MLIP: variants seen among roughly 807,000 people sequenced by gnomAD.
MLIP encodes muscular LMNA-interacting protein.
In MLIP, 79 loss-of-function variants were observed where a neutral mutation model predicts 84.8. The ratio of observed to expected loss-of-function variants is 0.93; its 90% CI spans 0.78 to 1.12. MLIP has a LOEUF of 1.12. Among genes scored for constraint, MLIP ranks in the 50% most tolerant of loss-of-function variants. The probability of loss-of-function intolerance (pLI) is 0.00; values close to 1 mark genes in which losing one functional copy is unlikely to be tolerated. For synonymous variants in MLIP, 504 were observed against 463.0 expected (o/e 1.09, Z -1.14); for missense variants, 1,257 against 1,160.6 (o/e 1.08, Z -1.21).
At chr6:54,128,325 C>T (rs978262601) in intron 3 of MLIP, among the ~76,000 whole-genome samples, 13 of 151,956 alleles carry the variant, frequency 8.6e-5, no homozygotes, top group Admixed American at 7.2e-4. Flanking sequence ...TGGGAATTTA[C>T]TCAGGGAGAG....
chr6:54,239,981 A>G (rs1263836192), intron 12 of MLIP, among the ~76,000 whole-genome samples: 1 of 152,180 alleles, frequency 6.6e-6, no homozygotes, highest in Non-Finnish European at 1.5e-5. Flanking sequence ...ACTTATAGTG[A>G]AATGCAAGTT....
At chr6:54,058,173 A>G (rs1765769734) in intron 1 of MLIP, among the ~76,000 whole-genome samples, 1 of 152,178 alleles carries the variant, frequency 6.6e-6, no homozygotes. Context: ...AGGATAACTA[A>G]TTGGGCAAAT....
intron 1 of MLIP, among the ~76,000 whole-genome samples, chr6:54,077,578 C>G (rs752205783): frequency 3.9e-5 from 6 of 152,136 alleles, no homozygotes; most frequent in Non-Finnish European, 8.8e-5. Flanking sequence ...ACCAAACTCA[C>G]TGTTTTCTTT....
intron 13 of MLIP, among the ~76,000 whole-genome samples, chr6:54,259,074 G>C (rs1008329626): frequency 1.3e-5 from 2 of 151,594 alleles, no homozygotes; most frequent in African/African-American, 4.8e-5. Flanking sequence ...ATATTAATTT[G>C]CATGTTAAAA....
At chr6:54,131,184 T>A (rs780433627) in intron 3 of MLIP, among the ~76,000 whole-genome samples, 5 of 152,146 alleles carry the variant, frequency 3.3e-5, no homozygotes, top group Non-Finnish European at 7.4e-5. Flanking sequence ...TTTCTGTAGA[T>A]CAGATGTCTG....
chr6:54,115,545 A>G (rs2150415991), intron 1 of MLIP, among the ~76,000 whole-genome samples: 1 of 152,302 alleles, frequency 6.6e-6, no homozygotes, highest in East Asian at 1.9e-4. Flanking sequence ...GTGAGGGGCA[A>G]GGAAGAATAG....
At chr6:54,096,507 G>A (rs937477113) in intron 1 of MLIP, among the ~76,000 whole-genome samples, 3 of 152,104 alleles carry the variant, frequency 2.0e-5, no homozygotes, top group Non-Finnish European at 2.9e-5. Context: ...TCTCCACTGA[G>A]TGTACCTTCT....
intron 12 of MLIP, among the ~76,000 whole-genome samples, chr6:54,251,009 C>A (rs1782437622): frequency 6.6e-6 from 1 of 152,010 alleles, no homozygotes; most frequent in Admixed American, 6.6e-5. Context: ...AGGCAGGTGA[C>A]AACGTCTGTT....
chr6:54,070,338 C>A (rs563458359), intron 1 of MLIP, among the ~76,000 whole-genome samples: 4 of 152,140 alleles, frequency 2.6e-5, no homozygotes, highest in Admixed American at 6.5e-5. Context: ...CCACCTCCCC[C>A]CCATGTTTAA....
rs1391614610 is a variant in MLIP, at chr6:54,066,734, C to T, written c.63+47643C>T. ...TGATTTGTTACTTCTGCAAACATTACGTACAAGATACTGAGTCAGGTGCTG... is the reference window on the plus strand; with the variant it reads ...TGATTTGTTACTTCTGCAAACATTATGTACAAGATACTGAGTCAGGTGCTG... On this transcript the variant is annotated intron_variant, in intron 1 of 12. Coordinates refer to the MLIP transcript ENST00000274897. Among the ~76,000 whole-genome samples, 7 of 99,382 alleles carry T rather than the reference C, an allele frequency of 7.0e-5. 1 individual carries two copies. The highest frequency in any genetic ancestry group is 1.3e-4 in the African/African-American group (5 of 38,936). The allele number at this position is 99,382 out of a possible 152,430, so 65.2% of individuals were successfully genotyped here. A position where few individuals can be genotyped will look rare whatever the true frequency, so the allele number is the denominator to read the frequency against.
chr6:54,242,956 C>T (rs1335224318), intron 12 of MLIP, among the ~76,000 whole-genome samples: 3 of 152,104 alleles, frequency 2.0e-5, no homozygotes, highest in African/African-American at 7.2e-5. Context: ...TATTCATTTC[C>T]TAAAGATGTA....
intron 12 of MLIP, among the ~76,000 whole-genome samples, chr6:54,233,085 T>C (rs1254458482): frequency 6.6e-6 from 1 of 152,212 alleles, no homozygotes; most frequent in Non-Finnish European, 1.5e-5. Context: ...GATGCTCAGG[T>C]ACTTTCTTTT....
intron 4 of MLIP, among the ~76,000 whole-genome samples, chr6:54,140,683 C>T (rs564856889): frequency 6.6e-6 from 1 of 152,066 alleles, no homozygotes; most frequent in African/African-American, 2.4e-5. Context: ...AGTCAGCCTA[C>T]TTTTTTTTAT....
At chr6:54,073,815 G>A (rs898272452) in intron 1 of MLIP, among the ~76,000 whole-genome samples, 2 of 152,182 alleles carry the variant, frequency 1.3e-5, no homozygotes, top group Admixed American at 1.3e-4. Context: ...TCAAGAGAAT[G>A]TGAAATTTAA....
intron 1 of MLIP, among the ~76,000 whole-genome samples, chr6:54,024,199 A>T (rs1763668834): frequency 6.6e-6 from 1 of 151,974 alleles, no homozygotes; most frequent in Admixed American, 6.6e-5. Flanking sequence ...TTTAGTAGAG[A>T]TGGGGTTTCA....
At chr6:54,168,833 G>A (rs1483889059) in intron 8 of MLIP, among the ~76,000 whole-genome samples, 1 of 147,560 alleles carries the variant, frequency 6.8e-6, no homozygotes, top group African/African-American at 2.5e-5. Context: ...TGGATGGTAA[G>A]GTCAATTTAG....
intron 12 of MLIP, among the ~76,000 whole-genome samples, chr6:54,253,098 T>A (rs192129811): frequency 6.6e-6 from 1 of 152,276 alleles, no homozygotes. Flanking sequence ...ACAGAACAAC[T>A]AACAACGAGT....
chr6:54,086,508 G>A (rs1465699882), intron 1 of MLIP, among the ~76,000 whole-genome samples: 1 of 152,130 alleles, frequency 6.6e-6, no homozygotes, highest in Non-Finnish European at 1.5e-5. Context: ...CCAAGATTTG[G>A]GTGCTTAATA....
At chr6:54,155,797 T>C (rs1356155948) in intron 5 of MLIP, among the ~76,000 whole-genome samples, 2 of 152,056 alleles carry the variant, frequency 1.3e-5, no homozygotes, top group Non-Finnish European at 1.5e-5. Context: ...TGAGATTTAT[T>C]TGGTATCTTT....
Sources: allele counts gnomAD v4.1 joint callset (sites outside exome capture counted in the v4.1 genomes callset), GRCh38; gene constraint gnomAD v4.1.1; transcripts MANE v1.5; gene names NCBI Gene and HGNC (gene_info 2026-07-23, HGNC 2026-07-21).